GSK3B: variants seen among roughly 807,000 people sequenced by gnomAD.
The protein encoded by GSK3B is glycogen synthase kinase 3 beta, also known as glycogen synthase kinase-3 beta.
A neutral mutation model predicts 56.4 loss-of-function variants in GSK3B; 15 were observed. The observed-to-expected ratio is 0.27, with a 90% CI of 0.18 to 0.41. GSK3B has a LOEUF of 0.41. GSK3B is among the 10% of genes least tolerant of loss of function. The pLI is 1.00. For missense variants in GSK3B, 300 were observed against 513.4 expected, an observed-to-expected ratio of 0.58 and a Z score of 4.02; for synonymous variants, 181 against 188.9, an observed-to-expected ratio of 0.96 and a Z score of 0.34.
intron 7 of GSK3B, among the ~76,000 whole-genome samples, chr3:119,900,058 A>G (rs1210739916): frequency 6.6e-6 from 1 of 152,142 alleles, no homozygotes. Flanking sequence ...AGGTTGGTTA[A>G]TTAATGTTAA....
chr3:119,873,246 TCTG>T (rs2108045359), intron 8 of GSK3B, among the ~76,000 whole-genome samples: 1 of 152,276 alleles, frequency 6.6e-6, no homozygotes, highest in East Asian at 1.9e-4. Flanking sequence ...GTGTTATTTT[TCTG>T]CTATTTCTTT....
intron 1 of GSK3B, among the ~76,000 whole-genome samples, chr3:120,053,966 T>A (rs1035146179): frequency 2.0e-5 from 3 of 152,198 alleles, no homozygotes; most frequent in Admixed American, 1.3e-4. Flanking sequence ...ATCAGCAGCA[T>A]GAAAATGAAC....
At chr3:119,885,572 C>CA (rs2056427023) in intron 7 of GSK3B, among the ~76,000 whole-genome samples, 1 of 151,934 alleles carries the variant, frequency 6.6e-6, no homozygotes, top group Non-Finnish European at 1.5e-5. Context: ...CATATGGAAC[C>CA]AAAAAAGAGC....
At chr3:119,885,074 T>C (rs1476849198) in intron 7 of GSK3B, among the ~76,000 whole-genome samples, 1 of 152,044 alleles carries the variant, frequency 6.6e-6, no homozygotes, top group Non-Finnish European at 1.5e-5. Context: ...GATATGATTC[T>C]ATACCTAGAA....
At chr3:120,092,668 C>T (rs754608252) in intron 1 of GSK3B, among the ~76,000 whole-genome samples, 1 of 152,134 alleles carries the variant, frequency 6.6e-6, no homozygotes, top group Non-Finnish European at 1.5e-5. Context: ...GATAACACAT[C>T]AAACCACTTA....
chr3:120,078,438 T>G (rs1050461804), intron 1 of GSK3B, among the ~76,000 whole-genome samples: 1 of 152,076 alleles, frequency 6.6e-6, no homozygotes, highest in Non-Finnish European at 1.5e-5. Context: ...CTGCTCCCAT[T>G]TTGGAAGTCA....
At chr3:120,078,806 C>T in intron 1 of GSK3B, among the ~76,000 whole-genome samples, 1 of 150,524 alleles carries the variant, frequency 6.6e-6, no homozygotes, top group East Asian at 2.0e-4. Flanking sequence ...CCAGCCTCAG[C>T]CTCCCTCTGG....
intron 3 of GSK3B, among the ~76,000 whole-genome samples, chr3:119,933,729 T>G (rs1442158423): frequency 6.6e-6 from 1 of 151,720 alleles, no homozygotes; most frequent in Non-Finnish European, 1.5e-5. Flanking sequence ...ATAAAAAAAT[T>G]AGCCAGGCAT....
intron 9 of GSK3B, among the ~76,000 whole-genome samples, chr3:119,859,857 CAG>C (rs2056076421): frequency 6.6e-6 from 1 of 152,124 alleles, no homozygotes; most frequent in Non-Finnish European, 1.5e-5. Flanking sequence ...AACAGTTCCC[CAG>C]AGTTACTAAA....
chr3:119,828,770 T>G (rs1328656287), intron 10 of GSK3B, among the ~76,000 whole-genome samples: 2 of 152,214 alleles, frequency 1.3e-5, no homozygotes, highest in Non-Finnish European at 2.9e-5. Flanking sequence ...TAAGCTGCCC[T>G]TATATACATT....
rs2057002875 is a variant in GSK3B at position 119,937,078 on chromosome 3, G to T, written c.366+10190C>A. Among the ~76,000 whole-genome samples the T allele has an allele frequency of 1.3e-5, 2 of 152,080 alleles. 1 individual carries two copies. Among genetic ancestry groups the T allele is most frequent in the South Asian group, 4.1e-4 (2 of 4,826 alleles). On this transcript the variant is annotated intron_variant, in intron 3 of 10. Coordinates refer to ENST00000264235, the MANE Select transcript of GSK3B (RefSeq NM_001146156.2). ...TGAAATGAAACTAAAAATTAGTAAT[G>T]AAGGGAAACCAGAAAATTCACAAAT...
intron 9 of GSK3B, among the ~76,000 whole-genome samples, chr3:119,860,124 T>C (rs937224070): frequency 7.2e-5 from 11 of 152,214 alleles, no homozygotes; most frequent in African/African-American, 2.2e-4. Flanking sequence ...ATGTGTGTGA[T>C]AGAGTTAGGG....
chr3:119,932,162 A>G (rs971122250), intron 3 of GSK3B, among the ~76,000 whole-genome samples: 17 of 152,234 alleles, frequency 1.1e-4, no homozygotes, highest in Admixed American at 9.8e-4. Flanking sequence ...AATTTTAAAA[A>G]TCTGATGTAA....
chr3:120,057,012 G>A (rs940612499), intron 1 of GSK3B, among the ~76,000 whole-genome samples: 2 of 152,130 alleles, frequency 1.3e-5, no homozygotes, highest in Non-Finnish European at 2.9e-5. Context: ...ATGCGTGGTG[G>A]CTCATGCCTG....
intron 7 of GSK3B, among the ~76,000 whole-genome samples, chr3:119,892,363 A>T (rs2056512131): frequency 6.6e-6 from 1 of 151,960 alleles, no homozygotes; most frequent in South Asian, 2.1e-4. Context: ...AACACACCAA[A>T]CCTAGTTTTA....
chr3:120,068,241 A>C (rs2058296261), intron 1 of GSK3B, among the ~76,000 whole-genome samples: 1 of 152,010 alleles, frequency 6.6e-6, no homozygotes, highest in African/African-American at 2.4e-5. Context: ...AAATACAAAA[A>C]TTAGCCAGAC....
intron 2 of GSK3B, among the ~76,000 whole-genome samples, chr3:119,958,033 C>T (rs13319825): frequency 1.1e-4 from 17 of 152,226 alleles, no homozygotes; most frequent in African/African-American, 4.1e-4. Context: ...CCTATACCCC[C>T]CCAAGTGTCA....
At chr3:120,071,743 T>TG (rs1475687203) in intron 1 of GSK3B, among the ~76,000 whole-genome samples, 2 of 152,176 alleles carry the variant, frequency 1.3e-5, no homozygotes, top group Non-Finnish European at 2.9e-5. Context: ...AATAATAAAG[T>TG]GCACATTAAA....
chr3:119,850,065 GTA>G (rs2108018415), intron 9 of GSK3B, among the ~76,000 whole-genome samples: 1 of 152,126 alleles, frequency 6.6e-6, no homozygotes, highest in Admixed American at 6.5e-5. Context: ...ATGTATGTAT[GTA>G]TGTATGTAAA....
Sources: allele counts gnomAD v4.1 joint callset (sites outside exome capture counted in the v4.1 genomes callset), GRCh38; gene constraint gnomAD v4.1.1; transcripts MANE v1.5; gene names NCBI Gene and HGNC (gene_info 2026-07-23, HGNC 2026-07-21).